The following PDPN variants were observed in gnomAD, a reference collection of about 807,000 sequenced individuals.
PDPN encodes the protein PA2.26 antigen.
In PDPN, 12 loss-of-function variants were observed where a neutral mutation model predicts 23.2. That is an observed-to-expected ratio of 0.52 (90% CI 0.33 to 0.84). The LOEUF (loss-of-function observed/expected upper bound fraction) is 0.84. Ranked by LOEUF, PDPN falls within the 40% of genes least tolerant of loss-of-function variation. The pLI is 0.02. For missense variants in PDPN, 199 were observed against 212.2 expected (o/e 0.94, Z 0.39); for synonymous variants, 77 against 76.7 (o/e 1.00, Z -0.02).
intron 1 of PDPN, among the ~76,000 whole-genome samples, chr1:13,596,644 C>T (rs753022190): frequency 2.4e-4 from 36 of 152,152 alleles, no homozygotes; most frequent in Admixed American, 1.4e-3. Context: ...AATATTCAGA[C>T]GAGGTCAGGC....
chr1:13,583,874 T>G lies in PDPN; in HGVS notation c.-160T>G, dbSNP rs373560383. 5 of 1,607,534 alleles carry G rather than the reference T, an allele frequency of 3.1e-6. No individual in the cohort carries two copies. In the African/African-American group the frequency reaches 5.3e-5, roughly 17 times the overall value. The stretch of plus-strand genomic sequence containing the variant: ...TCCGGCTGCCTAGGGTCTGGGAAGC[T>G]CGGGCACCCTCCCTCTCCGGGGCTC... On this transcript the variant is annotated 5_prime_UTR_variant, in exon 1 of 6. Transcript: ENST00000621990.
intron 1 of PDPN, among the ~76,000 whole-genome samples, chr1:13,606,246 C>T (rs914313641): frequency 1.3e-5 from 2 of 152,074 alleles, no homozygotes; most frequent in Non-Finnish European, 2.9e-5. Context: ...TCAAATGATC[C>T]ACCCACCTTG....
chr1:13,585,410 A>G, intron 1 of PDPN: 1 of 1,083,962 alleles, frequency 9.2e-7, no homozygotes, highest in Non-Finnish European at 1.2e-6. Flanking sequence ...TATCTTTGGA[A>G]CTTCTCTTTC....
At chr1:13,613,522 C>G (rs1431664288) in intron 3 of PDPN, among the ~76,000 whole-genome samples, 165 bp from the exon 4 acceptor site, 1 of 147,978 alleles carries the variant, frequency 6.8e-6, no homozygotes, top group Non-Finnish European at 1.5e-5. Flanking sequence ...GACAGTGCCA[C>G]ATCGGGGCTT....
chr1:13,598,158 G>A (rs1640546425), intron 1 of PDPN, among the ~76,000 whole-genome samples: 1 of 152,042 alleles, frequency 6.6e-6, no homozygotes, highest in African/African-American at 2.4e-5. Flanking sequence ...TGGGATTACA[G>A]GCACAAGCCA....
intron 5 of PDPN, 109 bp from the exon 6 acceptor site, chr1:13,615,796 T>G: frequency 2.0e-6 from 2 of 1,006,056 alleles, no homozygotes; most frequent in Non-Finnish European, 3.2e-6. Flanking sequence ...TCACCAGGTG[T>G]CAGAACTTGG....
chr1:13,612,989 G>T lies in PDPN; in HGVS notation c.332-698G>T, dbSNP rs74693176. On this transcript the variant is annotated intron_variant, in intron 3 of 5. Coordinates refer to ENST00000621990, the MANE Select transcript of PDPN (RefSeq NM_006474.5). ...TTATATAAAGAGGTCAAGAAGAAAAGACATTTTTATTTTTAAATAGGTTAT... is the reference window on the plus strand; with the variant it reads ...TTATATAAAGAGGTCAAGAAGAAAATACATTTTTATTTTTAAATAGGTTAT... Among the ~76,000 whole-genome samples, 1,079 of 139,222 alleles carry T rather than the reference G, an allele frequency of 7.8e-3. 18 individuals are homozygous for T. The highest frequency in any genetic ancestry group is 0.053 in the East Asian group (268 of 5,040). 91.3% of individuals were successfully genotyped at this position (139,222 alleles called of 152,430 possible). A position where few individuals can be genotyped will look rare whatever the true frequency, so the allele number is the denominator to read the frequency against.
intron 5 of PDPN, 98 bp downstream of exon 5, chr1:13,614,509 G>A: frequency 1.3e-6 from 1 of 744,834 alleles, no homozygotes; most frequent in Non-Finnish European, 2.4e-6. Flanking sequence ...TATAAGCTGG[G>A]TGTGGTGGCT....
At chr1:13,589,974 T>C (rs578156001) in intron 1 of PDPN, among the ~76,000 whole-genome samples, 7 of 152,288 alleles carry the variant, frequency 4.6e-5, no homozygotes, top group Admixed American at 2.0e-4. Flanking sequence ...ATTACAGGCA[T>C]GTGCCACCAC....
chr1:13,586,330 G>T (rs1640177880), intron 1 of PDPN, among the ~76,000 whole-genome samples: 1 of 152,170 alleles, frequency 6.6e-6, no homozygotes, highest in Non-Finnish European at 1.5e-5. Flanking sequence ...ATAAAGATCA[G>T]GTCTGTTAGA....
chr1:13,594,714 CGGT>C (rs1405412829), intron 1 of PDPN, among the ~76,000 whole-genome samples: 1 of 151,994 alleles, frequency 6.6e-6, no homozygotes, highest in Non-Finnish European at 1.5e-5. Context: ...CTGCTGGGTA[CGGT>C]GGCTTACGCC....
intron 1 of PDPN, among the ~76,000 whole-genome samples, chr1:13,586,603 C>G (rs143317581): frequency 6.6e-6 from 1 of 152,066 alleles, no homozygotes; most frequent in Non-Finnish European, 1.5e-5. Flanking sequence ...TCCTCTCATT[C>G]CCATCGCCTG....
At chr1:13,583,793 T>G, upstream of PDPN, 1 of 1,527,512 alleles carries the variant, frequency 6.5e-7, no homozygotes, top group Non-Finnish European at 8.8e-7. Flanking sequence ...CCCCGCCTCC[T>G]CGGGAGAGAT....
At chr1:13,588,526 A>T (rs762670735) in intron 1 of PDPN, among the ~76,000 whole-genome samples, 6 of 142,706 alleles carry the variant, frequency 4.2e-5, no homozygotes, top group African/African-American at 7.9e-5. Context: ...TGATGTTTAA[A>T]CCTTCCCTGC....
intron 1 of PDPN, chr1:13,595,817 T>C (rs1003887738): frequency 8.0e-7 from 1 of 1,255,344 alleles, no homozygotes; most frequent in Non-Finnish European, 1.0e-6. Flanking sequence ...TGCCGTCTCT[T>C]TCATTACAGG....
At chr1:13,584,973 T>C (rs1640137404) in intron 1 of PDPN, among the ~76,000 whole-genome samples, 1 of 152,224 alleles carries the variant, frequency 6.6e-6, no homozygotes, top group South Asian at 2.1e-4. Context: ...TTGTTTTCTT[T>C]TCTTGGGTTT....
intron 3 of PDPN, among the ~76,000 whole-genome samples, chr1:13,613,442 T>TA (rs1640985617): frequency 6.6e-6 from 1 of 152,246 alleles, no homozygotes; most frequent in African/African-American, 2.4e-5. Context: ...ATAAAATTAA[T>TA]ACGTAGAAAA....
At chr1:13,605,768 A>G (rs1408153630) in intron 1 of PDPN, among the ~76,000 whole-genome samples, 2 of 151,952 alleles carry the variant, frequency 1.3e-5, no homozygotes, top group African/African-American at 2.4e-5. Context: ...GACTACAGGC[A>G]TGCAACCCCA....
chr1:13,588,725 C>G (rs931108667), intron 1 of PDPN, among the ~76,000 whole-genome samples: 3 of 150,122 alleles, frequency 2.0e-5, no homozygotes, highest in Non-Finnish European at 3.0e-5. Context: ...GTCACCCAGG[C>G]TGGAGTCCAG....
Sources: gnomAD v4.1 joint callset for allele counts (sites outside exome capture counted in the v4.1 genomes callset) on GRCh38, gnomAD v4.1.1 for gene constraint, MANE v1.5 for transcripts, NCBI Gene and HGNC (gene_info 2026-07-23, HGNC 2026-07-21) for gene names.